The following NAALADL2 variants were observed in gnomAD, a reference collection of about 807,000 sequenced individuals.
The protein encoded by NAALADL2 is N-acetylated alpha-linked acidic dipeptidase like 2.
In NAALADL2, 76 loss-of-function variants were observed where a neutral mutation model predicts 87.2. That is an observed-to-expected ratio of 0.87 (90% CI 0.72 to 1.05). The LOEUF is 1.05. Ranked by LOEUF, NAALADL2 falls within the 50% of genes least tolerant of loss-of-function variation. NAALADL2 has a pLI of 0.00. For missense variants in NAALADL2, 1,089 were observed against 945.8 expected, an observed-to-expected ratio of 1.15 and a Z score of -1.99; for synonymous variants, 354 against 331.0, an observed-to-expected ratio of 1.07 and a Z score of -0.75.
At chr3:174,511,516 T>C (rs1458020888) in intron 1 of NAALADL2, among the ~76,000 whole-genome samples, 3 of 152,032 alleles carry the variant, frequency 2.0e-5, no homozygotes, top group African/African-American at 7.2e-5. Flanking sequence ...TATTCATCTT[T>C]CAGCCTTTAC....
intron 1 of NAALADL2, among the ~76,000 whole-genome samples, chr3:174,961,430 A>C (rs1401321952): frequency 1.3e-5 from 2 of 152,142 alleles, no homozygotes; most frequent in African/African-American, 4.8e-5. Flanking sequence ...TGAAAATAGT[A>C]AGTTAATAAT....
At chr3:175,564,898 T>G (rs1716865253) in intron 9 of NAALADL2, among the ~76,000 whole-genome samples, 1 of 152,202 alleles carries the variant, frequency 6.6e-6, no homozygotes, top group Admixed American at 6.6e-5. Context: ...TAGTTTGCAA[T>G]TTGTGAAGAA....
chr3:175,125,245 T>G (rs1307657929), intron 2 of NAALADL2, among the ~76,000 whole-genome samples: 1 of 152,070 alleles, frequency 6.6e-6, no homozygotes, highest in Non-Finnish European at 1.5e-5. Flanking sequence ...GTGGTTAACA[T>G]ACTGGATAGT....
At chr3:174,554,565 A>T (rs539026927) in intron 2 of NAALADL2, among the ~76,000 whole-genome samples, 35 of 151,842 alleles carry the variant, frequency 2.3e-4, no homozygotes, top group African/African-American at 6.3e-4. Flanking sequence ...GACAGTTTTT[A>T]AAAAAAATCT....
chr3:175,314,121 C>G (rs1758738351), intron 4 of NAALADL2, among the ~76,000 whole-genome samples: 1 of 150,880 alleles, frequency 6.6e-6, no homozygotes, highest in Non-Finnish European at 1.5e-5. Context: ...TCTCTCTTAC[C>G]TTCTCTGGCA....
At chr3:174,945,204 T>G (rs530462007) in intron 1 of NAALADL2, among the ~76,000 whole-genome samples, 56 of 152,344 alleles carry the variant, frequency 3.7e-4, no homozygotes, top group African/African-American at 1.1e-3. Flanking sequence ...TGTACCAGGC[T>G]CTGAGCCAAG....
chr3:175,798,581 A>G (rs1461754145), intron 13 of NAALADL2, among the ~76,000 whole-genome samples: 3 of 152,116 alleles, frequency 2.0e-5, no homozygotes, highest in Non-Finnish European at 4.4e-5. Flanking sequence ...AGTTAGGAGA[A>G]GCAAGTGTTG....
At chr3:174,723,541 G>T (rs1012470387) in intron 2 of NAALADL2, among the ~76,000 whole-genome samples, 2 of 152,016 alleles carry the variant, frequency 1.3e-5, no homozygotes, top group African/African-American at 4.8e-5. Context: ...GGATCACAAG[G>T]TCAGGAGATC....
At chr3:175,095,173 A>C (rs909933080) in intron 1 of NAALADL2, among the ~76,000 whole-genome samples, 1 of 151,826 alleles carries the variant, frequency 6.6e-6, no homozygotes, top group African/African-American at 2.4e-5. Flanking sequence ...TGTGTTTGTA[A>C]ATTTTCCCCT....
chr3:175,552,527 C>T (rs1020400267), intron 9 of NAALADL2, among the ~76,000 whole-genome samples: 3 of 152,042 alleles, frequency 2.0e-5, no homozygotes, highest in Non-Finnish European at 2.9e-5. Flanking sequence ...CCAAGATTTA[C>T]CATATTATGT....
chr3:175,049,391 G>T (rs1316670483), intron 1 of NAALADL2, among the ~76,000 whole-genome samples: 1 of 152,154 alleles, frequency 6.6e-6, no homozygotes, highest in Non-Finnish European at 1.5e-5. Context: ...TGAAACCAGG[G>T]AAAGTAAAAC....
At chr3:175,140,775 A>G (rs1260652034) in intron 2 of NAALADL2, among the ~76,000 whole-genome samples, 1 of 152,198 alleles carries the variant, frequency 6.6e-6, no homozygotes, top group Non-Finnish European at 1.5e-5. Flanking sequence ...GGAAAAGTCA[A>G]TGGACAGTTA....
chr3:174,787,598 T>TATATATATATATATATATATACACAC (rs1716904366), intron 3 of NAALADL2, among the ~76,000 whole-genome samples: 1 of 60,184 alleles, frequency 1.7e-5, no homozygotes, highest in Non-Finnish European at 3.5e-5. Context: ...TATATATATA[T>TATATATATATATATATATATACACAC]ATATATATAT....
chr3:175,590,207 G>A (rs963125081), intron 10 of NAALADL2, among the ~76,000 whole-genome samples: 7 of 136,064 alleles, frequency 5.1e-5, no homozygotes, highest in South Asian at 2.3e-4. Flanking sequence ...GCGAGACTCC[G>A]TCTAATATAT....
intron 3 of NAALADL2, among the ~76,000 whole-genome samples, chr3:174,799,232 C>T (rs1197913575): frequency 6.6e-6 from 1 of 151,584 alleles, no homozygotes. Context: ...TTTTTTCTTG[C>T]CTAGTTGTTC....
intron 2 of NAALADL2, among the ~76,000 whole-genome samples, chr3:174,663,312 A>G (rs1189865229): frequency 6.6e-6 from 1 of 151,834 alleles, no homozygotes; most frequent in Non-Finnish European, 1.5e-5. Flanking sequence ...GTACCCAGCT[A>G]TGAAAATAAT....
intron 11 of NAALADL2, among the ~76,000 whole-genome samples, chr3:175,704,438 G>A (rs1328233298): frequency 2.0e-5 from 3 of 150,546 alleles, no homozygotes; most frequent in Non-Finnish European, 4.4e-5. Flanking sequence ...TTATTTTTAC[G>A]ACAGAAAAAT....
chr3:174,955,508 T>A (rs1478665488), intron 1 of NAALADL2, among the ~76,000 whole-genome samples: 1 of 152,104 alleles, frequency 6.6e-6, no homozygotes, highest in Non-Finnish European at 1.5e-5. Flanking sequence ...ATCAGGAATT[T>A]ACTTAAAGAT....
At chr3:174,730,002 T>A (rs764138740) in intron 2 of NAALADL2, among the ~76,000 whole-genome samples, 3 of 152,066 alleles carry the variant, frequency 2.0e-5, no homozygotes, top group Admixed American at 6.6e-5. Context: ...TGCTGGAGGT[T>A]GATTCTAGAG....
Sources: gnomAD v4.1 joint callset for allele counts (sites outside exome capture counted in the v4.1 genomes callset) on GRCh38, gnomAD v4.1.1 for gene constraint, MANE v1.5 for transcripts, NCBI Gene and HGNC (gene_info 2026-07-23, HGNC 2026-07-21) for gene names.